Variants in SMTN observed in about 807,000 individuals in gnomAD.
The protein encoded by SMTN is smoothelin.
Under a neutral mutation model 102.0 loss-of-function variants are expected in SMTN, and 58 were observed. The ratio of observed to expected loss-of-function variants is 0.57; its 90% CI spans 0.46 to 0.71. SMTN has a LOEUF of 0.71. Among genes scored for constraint, SMTN ranks in the 30% least tolerant of loss-of-function variants. The pLI is 0.00. For missense variants in SMTN, 1,185 were observed against 1,241.7 expected (o/e 0.95, Z 0.69); for synonymous variants, 478 against 497.9 (o/e 0.96, Z 0.53).
In SMTN at chr22:31,096,797, C is replaced by A. The variant is rs116641021; in HGVS notation, c.1926C>A (p.Arg642=). Reference sequence around the variant, plus strand: ...CACGGGGCCGGCCAGGGGAGGGGCGCGGCAACACAGCCACTGAGACCACCA... The same window carrying A: ...CACGGGGCCGGCCAGGGGAGGGGCGAGGCAACACAGCCACTGAGACCACCA... ...QEARGRPGEG[R]GNTATETTTR... Residue 642 remains arginine, a synonymous_variant, in exon 14 of 21, where the codon CGC becomes CGA. Transcript: ENST00000333137. The A allele has an allele frequency of 1.1e-5, 17 of 1,567,664 alleles. No homozygotes were observed. Among genetic ancestry groups the A allele is most frequent in the Non-Finnish European group, 1.5e-5 (17 of 1,158,020 alleles).
chr22:31,069,467 A>C (rs1394031279), intron 1 of SMTN, among the ~76,000 whole-genome samples: 1 of 152,216 alleles, frequency 6.6e-6, no homozygotes, highest in Non-Finnish European at 1.5e-5. Flanking sequence ...AGATTTTTTA[A>C]AATGTTAGAA....
Position 31,088,556 on chromosome 22 carries a change from C to T in SMTN, c.244C>T (p.Leu82=), listed in dbSNP as rs2147646970. The change falls in exon 4 of 21, where the codon CTG becomes TTG. Residue 82 remains leucine, a synonymous_variant. Transcript: ENST00000333137. ...TGAGCAGCGGGCTGCCCTGGCACGG[C>T]TGGCAGGGCAGCTGGAGTCCATGAA... The part of the protein sequence containing the change: ...EAEQRAALAR[L]AGQLESMNDV... 1 of 1,613,628 alleles carries T rather than the reference C, an allele frequency of 6.2e-7. No homozygotes were observed. Among genetic ancestry groups the T allele is most frequent in the Non-Finnish European group, 8.5e-7 (1 of 1,179,870 alleles).
At chr22:31,084,827 C>G (rs1569241641) in intron 2 of SMTN, among the ~76,000 whole-genome samples, 1 of 152,212 alleles carries the variant, frequency 6.6e-6, no homozygotes, top group Non-Finnish European at 1.5e-5. Flanking sequence ...CTTTCCGACC[C>G]CGGGAGCGGC....
intron 19 of SMTN, 64 bp from the exon 20 acceptor site, chr22:31,100,821 C>T (rs2044020324): frequency 1.2e-6 from 1 of 809,686 alleles, no homozygotes; most frequent in Non-Finnish European, 2.0e-6. Flanking sequence ...CCTCTCTTCC[C>T]CACCCGGGGC....
chr22:31,065,041 T>C (rs541550037), intron 1 of SMTN: 73 of 152,308 alleles, frequency 4.8e-4, no homozygotes, highest in African/African-American at 1.7e-3. Context: ...TACTGTTCAG[T>C]CATTTTATAG....
At chr22:31,093,195 C>A (rs967235566) in intron 11 of SMTN, among the ~76,000 whole-genome samples, 38 of 152,370 alleles carry the variant, frequency 2.5e-4, no homozygotes, top group African/African-American at 8.9e-4. Flanking sequence ...AGGGCTATAG[C>A]CAGGCCTGGC....
Position 31,090,147 on chromosome 22 carries a change from C to T in SMTN, c.832C>T (p.Pro278Ser), listed in dbSNP as rs142145072. The change falls in exon 8 of 21, where the codon CCC (proline) becomes TCC (serine). Residue 278 changes from proline to serine, a missense_variant. Coordinates refer to ENST00000333137, the MANE Select transcript of SMTN (RefSeq NM_134269.3). ...CAAAGAGACCCCTGCTGCCCAGAGC[C>T]CCACCAGAGGCCCCTCTGACACCAA... ...GPKETPAAQS[P>S]TRGPSDTKRA... The T allele has an allele frequency of 2.7e-5, 44 of 1,612,332 alleles. No homozygotes were observed. The highest frequency in any genetic ancestry group is 1.5e-4 in the South Asian group (14 of 90,912).
intron 2 of SMTN, among the ~76,000 whole-genome samples, chr22:31,085,568 G>T (rs938015283): frequency 6.6e-6 from 1 of 152,200 alleles, no homozygotes. Context: ...CTTTCCTCCC[G>T]GGAGAATTTC....
chr22:31,087,811 C>T (rs902834953), intron 2 of SMTN, 154 bp from the exon 3 acceptor site: 12 of 739,296 alleles, frequency 1.6e-5, no homozygotes, highest in African/African-American at 1.6e-4. Context: ...GGTCTACCCC[C>T]GGGACCCTGC....
chr22:31,076,011 G>A (rs1022952845), intron 1 of SMTN, among the ~76,000 whole-genome samples: 4 of 146,712 alleles, frequency 2.7e-5, no homozygotes, highest in Admixed American at 6.8e-5. Flanking sequence ...TAGGCCCGGC[G>A]TCCTCATCTC....
chr22:31,085,092 C>G, intron 2 of SMTN: 1 of 1,534,910 alleles, frequency 6.5e-7, no homozygotes, highest in Non-Finnish European at 8.7e-7. Flanking sequence ...ATGGGGACGC[C>G]TGGGGACTTG....
intron 11 of SMTN, among the ~76,000 whole-genome samples, chr22:31,094,962 C>T (rs769658576): frequency 3.3e-5 from 5 of 152,216 alleles, no homozygotes; most frequent in Non-Finnish European, 7.3e-5. Flanking sequence ...GTTGACATTA[C>T]AGGCATGAGC....
Position 31,069,777 on chromosome 22 carries a change from G to C in SMTN, c.-386+5590G>C, listed in dbSNP as rs184914951. Among the ~76,000 whole-genome samples the C allele has an allele frequency of 1.8e-3, 277 of 152,314 alleles. 1 individual carries two copies. The Middle Eastern group carries it at 0.02, about 11-fold the overall frequency. The stretch of plus-strand genomic sequence containing the variant: ...AAACACTTCATAGGACTGCACCCTC[G>C]CTCAGGGCTGGGTGGGCCGACCTCA... On this transcript the variant is annotated intron_variant, in intron 1 of 3. Coordinates refer to the SMTN transcript ENST00000422839.
chr22:31,091,173 CG>C lies in SMTN; in HGVS notation c.1154del (p.Gly385AlafsTer16), dbSNP rs1569252918. 1 of 1,613,648 alleles carries C rather than the reference CG, an allele frequency of 6.2e-7. No homozygotes were observed. Among genetic ancestry groups the C allele is most frequent in the Non-Finnish European group, 8.5e-7 (1 of 1,179,800 alleles). ...CTCCTCCTCCAGCGGCTCCTCCTCT[CG>C]GGGCCCCAGTGATACCTCCTCCCGG... ...PASSSSGSSS[R>X]GPSDTSSRFS... On this transcript the variant is annotated frameshift_variant, in exon 10 of 21. Transcript: ENST00000333137. LOFTEE classifies it high-confidence loss of function.
At chr22:31,101,290 A>C (rs1243796510) in intron 20 of SMTN, 2 of 477,076 alleles carry the variant, frequency 4.2e-6, no homozygotes, top group Admixed American at 3.3e-5. Flanking sequence ...TGCCTGACCC[A>C]GGCTGCAGGT....
chr22:31,094,463 GCA>G (rs2147743278), intron 11 of SMTN, among the ~76,000 whole-genome samples: 1 of 152,344 alleles, frequency 6.6e-6, no homozygotes, highest in East Asian at 1.9e-4. Flanking sequence ...TGCTGCCTGG[GCA>G]CTGGCCCAGG....
intron 1 of SMTN, among the ~76,000 whole-genome samples, chr22:31,073,511 C>T (rs1243898126): frequency 4.6e-5 from 7 of 152,248 alleles, no homozygotes; most frequent in Non-Finnish European, 8.8e-5. Context: ...GCAGAGGATT[C>T]AGGAATAGAT....
chr22:31,095,236 C>A lies in SMTN; in HGVS notation c.1633-67C>A. 1 of 1,523,692 alleles carries A rather than the reference C, an allele frequency of 6.6e-7. No individual in the cohort carries two copies. The highest frequency in any genetic ancestry group is 9.0e-7 in the Non-Finnish European group (1 of 1,110,190). 94.4% of individuals were successfully genotyped at this position (1,523,692 alleles called of 1,614,324 possible). A position where few individuals can be genotyped will look rare whatever the true frequency, so the allele number is the denominator to read the frequency against. On this transcript the variant is annotated intron_variant, in intron 11 of 20. Transcript: ENST00000333137. This position sits in a 1 kb window ranked among gnomAD's most constrained non-coding sequence, Gnocchi z 4.1. Reference sequence around the variant, plus strand: ...CAACCCTAGGATCTGCTTCCCTATCCATTGGAGACATGATGAGTTTCACCC... The same window carrying A: ...CAACCCTAGGATCTGCTTCCCTATCAATTGGAGACATGATGAGTTTCACCC...
At chr22:31,093,251 A>C in intron 11 of SMTN, 2 of 257,368 alleles carry the variant, frequency 7.8e-6, no homozygotes, top group Non-Finnish European at 1.5e-5. Context: ...TGCCCCTTCC[A>C]CGGAGGAGCC....
Sources: allele counts gnomAD v4.1 joint callset (sites outside exome capture counted in the v4.1 genomes callset), GRCh38; gene constraint gnomAD v4.1.1; non-coding constraint Gnocchi (gnomAD v3.1); transcripts MANE v1.5; gene names NCBI Gene and HGNC (gene_info 2026-07-23, HGNC 2026-07-21).